GALNT18: variants seen among roughly 807,000 people sequenced by gnomAD.
GALNT18 encodes polypeptide N-acetylgalactosaminyltransferase 18.
In GALNT18, 44 loss-of-function variants were observed where a neutral mutation model predicts 69.5. The ratio of observed to expected loss-of-function variants is 0.63; its 90% CI spans 0.50 to 0.81. The LOEUF is 0.81. GALNT18 is among the 40% of genes least tolerant of loss of function. GALNT18 has a pLI of 0.00. For synonymous variants in GALNT18, 364 were observed against 318.2 expected (o/e 1.14, Z -1.53); for missense variants, 715 against 810.0 (o/e 0.88, Z 1.42).
chr11:11,575,640 T>C (rs920986574), intron 1 of GALNT18, among the ~76,000 whole-genome samples: 2 of 152,232 alleles, frequency 1.3e-5, no homozygotes, highest in Non-Finnish European at 2.9e-5. Context: ...TTCTGTTATA[T>C]GAGGCCATGA....
At chr11:11,376,707 A>G (rs1215354024) in intron 5 of GALNT18, among the ~76,000 whole-genome samples, 1 of 152,130 alleles carries the variant, frequency 6.6e-6, no homozygotes, top group Non-Finnish European at 1.5e-5. Flanking sequence ...GTGTTCATGA[A>G]CTTTGCATAT....
chr11:11,299,094 G>A (rs1276265347), intron 9 of GALNT18, among the ~76,000 whole-genome samples: 1 of 152,146 alleles, frequency 6.6e-6, no homozygotes, highest in Non-Finnish European at 1.5e-5. Flanking sequence ...TGCTTTCTGA[G>A]ATTTTGGTGC....
At chr11:11,380,323 G>C (rs370626072) in intron 3 of GALNT18, among the ~76,000 whole-genome samples, 2 of 152,186 alleles carry the variant, frequency 1.3e-5, no homozygotes, top group East Asian at 3.9e-4. Context: ...CCTTGCTAAG[G>C]ACTTCTCTAG....
In GALNT18 at chr11:11,350,245, T is replaced by G. The variant is rs1027954988; in HGVS notation, c.1093-9241A>C. On this transcript the variant is annotated intron_variant, in intron 6 of 10. Transcript: ENST00000227756. The stretch of plus-strand genomic sequence containing the variant: ...CAGTAATGTGTCATTCTCAGCAAAC[T>G]GGCCCATCCCATACAGGGGGCCTGG... 6.6e-5 allele frequency among the ~76,000 whole-genome samples: 10 copies of G among 152,234 alleles called. No individual in the cohort carries two copies. The East Asian group carries it at 1.9e-3, about 29-fold the overall frequency.
At chr11:11,281,832 A>G (rs1180912246) in intron 10 of GALNT18, among the ~76,000 whole-genome samples, 3 of 151,910 alleles carry the variant, frequency 2.0e-5, no homozygotes, top group African/African-American at 7.3e-5. Context: ...AGGCGGGTGG[A>G]TGGGACACAA....
At chr11:11,487,398 A>G (rs923331175) in intron 1 of GALNT18, among the ~76,000 whole-genome samples, 33 of 152,152 alleles carry the variant, frequency 2.2e-4, no homozygotes, top group African/African-American at 7.7e-4. Context: ...CCTGTTCCCC[A>G]AAAAACTATG....
intron 3 of GALNT18, among the ~76,000 whole-genome samples, chr11:11,407,684 G>A (rs531698142): frequency 1.5e-4 from 23 of 152,216 alleles, no homozygotes; most frequent in Non-Finnish European, 2.9e-4. Context: ...GGACAAGGGA[G>A]CTGCAAAACT....
intron 1 of GALNT18, among the ~76,000 whole-genome samples, chr11:11,457,468 T>C (rs927919219): frequency 2.0e-5 from 3 of 152,188 alleles, no homozygotes; most frequent in Admixed American, 6.5e-5. Flanking sequence ...TATCTGCTCC[T>C]TGGATTGGAG....
intron 1 of GALNT18, among the ~76,000 whole-genome samples, chr11:11,550,970 G>C (rs1257882760): frequency 1.3e-5 from 2 of 151,958 alleles, no homozygotes; most frequent in Non-Finnish European, 2.9e-5. Flanking sequence ...CACACAGTGA[G>C]GTGTGCAATG....
chr11:11,536,634 A>G (rs1429025059), intron 1 of GALNT18, among the ~76,000 whole-genome samples: 5 of 151,510 alleles, frequency 3.3e-5, no homozygotes, highest in African/African-American at 1.2e-4. Flanking sequence ...TCCGTATCTT[A>G]GAAATGAAAA....
chr11:11,351,909 A>C (rs1396415438), intron 6 of GALNT18: 1 of 1,483,968 alleles, frequency 6.7e-7, no homozygotes, highest in Non-Finnish European at 9.2e-7. Context: ...GGACTCCCCC[A>C]CCTCTGCTCA....
chr11:11,342,485 C>T (rs762168913), intron 6 of GALNT18, among the ~76,000 whole-genome samples: 2 of 152,114 alleles, frequency 1.3e-5, no homozygotes, highest in Non-Finnish European at 2.9e-5. Flanking sequence ...GCTTGTTTTC[C>T]CTGTGTTAGT....
chr11:11,490,270 C>CACACACACACACACA (rs1856740704), intron 1 of GALNT18, among the ~76,000 whole-genome samples: 1 of 146,504 alleles, frequency 6.8e-6, no homozygotes, highest in African/African-American at 2.5e-5. Context: ...CACACACACA[C>CACACACACACACACA]TCCTTCCACC....
intron 1 of GALNT18, among the ~76,000 whole-genome samples, chr11:11,473,877 C>T (rs1280416160): frequency 6.6e-6 from 1 of 152,120 alleles, no homozygotes; most frequent in Non-Finnish European, 1.5e-5. Flanking sequence ...TCAGCCTGGC[C>T]AACATGGTGA....
At chr11:11,357,375 C>T (rs1046630219) in intron 6 of GALNT18, among the ~76,000 whole-genome samples, 7 of 152,124 alleles carry the variant, frequency 4.6e-5, no homozygotes, top group Non-Finnish European at 8.8e-5. Context: ...CCCTCTGCCT[C>T]CCTTTCTGGT....
intron 10 of GALNT18, among the ~76,000 whole-genome samples, chr11:11,281,441 C>T (rs1269323408): frequency 1.3e-5 from 2 of 152,160 alleles, no homozygotes; most frequent in Non-Finnish European, 2.9e-5. Flanking sequence ...CAAACGGGCC[C>T]GGACCAAGTG....
intron 1 of GALNT18, among the ~76,000 whole-genome samples, chr11:11,506,409 A>T (rs1003264038): frequency 1.3e-5 from 2 of 152,210 alleles, no homozygotes; most frequent in African/African-American, 4.8e-5. Flanking sequence ...CAAATACACC[A>T]TCTAGACCCT....
intron 6 of GALNT18, among the ~76,000 whole-genome samples, chr11:11,354,194 C>T (rs1439094107): frequency 1.3e-5 from 2 of 152,150 alleles, no homozygotes; most frequent in Non-Finnish European, 2.9e-5. Flanking sequence ...TGAAAGTCAC[C>T]GATAGCAAAC....
chr11:11,467,563 G>A (rs552842837), intron 1 of GALNT18, among the ~76,000 whole-genome samples: 1 of 152,180 alleles, frequency 6.6e-6, no homozygotes, highest in Non-Finnish European at 1.5e-5. Flanking sequence ...CCAAGGGTTG[G>A]AATCAGCCCA....
Sources: gnomAD v4.1 joint callset for allele counts (sites outside exome capture counted in the v4.1 genomes callset) on GRCh38, gnomAD v4.1.1 for gene constraint, MANE v1.5 for transcripts, NCBI Gene and HGNC (gene_info 2026-07-23, HGNC 2026-07-21) for gene names.